PARD3: variants seen among roughly 807,000 people sequenced by gnomAD.
PARD3 encodes the protein partitioning defective 3 homolog.
PARD3 carries 75 observed loss-of-function variants against 155.4 expected under a neutral mutation model. That is an observed-to-expected ratio of 0.48 (90% CI 0.40 to 0.58). PARD3 has a LOEUF of 0.58. Among genes scored for constraint, PARD3 ranks in the 20% least tolerant of loss-of-function variants. The probability of loss-of-function intolerance (pLI) is 0.00; values close to 1 mark genes in which losing one functional copy is unlikely to be tolerated. For synonymous variants in PARD3, 576 were observed against 610.5 expected (o/e 0.94, Z 0.83); for missense variants, 1,642 against 1,721.7 (o/e 0.95, Z 0.82).
intron 22 of PARD3, among the ~76,000 whole-genome samples, chr10:34,228,390 G>A (rs1441286032): frequency 6.6e-6 from 1 of 151,788 alleles, no homozygotes; most frequent in Non-Finnish European, 1.5e-5. Flanking sequence ...GTGTACCCCC[G>A]AACCAAAACA....
Position 34,313,237 on chromosome 10 carries a change from A to G in PARD3, c.3065+3870T>C, listed in dbSNP as rs1189718463. ...CTTTGTGCTCCCCGCTTTGCTCTGC[A>G]ATCTGCACACAGAATGATTACATTT... On this transcript the variant is annotated intron_variant, in intron 20 of 24. Coordinates refer to ENST00000374788, the MANE Select transcript of PARD3 (RefSeq NM_001184785.2). Among the ~76,000 whole-genome samples the G allele has an allele frequency of 2.0e-5, 3 of 152,338 alleles. No homozygotes were observed. In the East Asian group the frequency reaches 5.8e-4, roughly 29 times the overall value.
chr10:34,810,770 T>C (rs1245435145), intron 1 of PARD3, among the ~76,000 whole-genome samples: 2 of 152,202 alleles, frequency 1.3e-5, no homozygotes. Context: ...GAGCAGCTAG[T>C]ATGGGCCGGG....
At chr10:34,453,262 A>G (rs945065191) in intron 4 of PARD3, among the ~76,000 whole-genome samples, 2 of 152,140 alleles carry the variant, frequency 1.3e-5, no homozygotes, top group Non-Finnish European at 2.9e-5. Flanking sequence ...TTCAAACGCT[A>G]TTTTCTAAGA....
chr10:34,432,837 A>G (rs564183565), intron 5 of PARD3, among the ~76,000 whole-genome samples: 76 of 152,338 alleles, frequency 5.0e-4, no homozygotes, highest in Non-Finnish European at 8.4e-4. Flanking sequence ...AAAGTTCACC[A>G]AGGAAGAGCA....
At chr10:34,362,160 G>T (rs184612669) in intron 12 of PARD3, among the ~76,000 whole-genome samples, 1 of 152,016 alleles carries the variant, frequency 6.6e-6, no homozygotes, top group African/African-American at 2.4e-5. Flanking sequence ...TTAGCCAGGC[G>T]TGGTGGCGGG....
chr10:34,512,441 G>T (rs925655296), intron 3 of PARD3, among the ~76,000 whole-genome samples: 1 of 152,098 alleles, frequency 6.6e-6, no homozygotes, highest in African/African-American at 2.4e-5. Flanking sequence ...TAGGCCCTCT[G>T]GCCCACCCTA....
intron 22 of PARD3, among the ~76,000 whole-genome samples, chr10:34,251,307 T>C (rs779901913): frequency 7.2e-5 from 11 of 152,196 alleles, no homozygotes; most frequent in Non-Finnish European, 1.5e-4. Context: ...CCTTTTAGCT[T>C]TGAAATGCCC....
At chr10:34,333,693 A>G (rs1589214909) in intron 18 of PARD3, among the ~76,000 whole-genome samples, 2 of 152,226 alleles carry the variant, frequency 1.3e-5, no homozygotes, top group East Asian at 3.9e-4. Flanking sequence ...ATGCCCATGT[A>G]TTTACATATT....
chr10:34,628,555 T>C (rs1357765669), intron 2 of PARD3, among the ~76,000 whole-genome samples: 2 of 152,192 alleles, frequency 1.3e-5, no homozygotes, highest in Admixed American at 1.3e-4. Flanking sequence ...CGAGTGGGTG[T>C]GGCTGTGCTC....
chr10:34,743,672 A>T (rs1395167539), intron 1 of PARD3, among the ~76,000 whole-genome samples: 1 of 152,218 alleles, frequency 6.6e-6, no homozygotes, highest in Non-Finnish European at 1.5e-5. Flanking sequence ...TAGATTGTAC[A>T]TACAGCACTG....
chr10:34,697,135 C>T (rs2094190052), intron 1 of PARD3, among the ~76,000 whole-genome samples: 1 of 152,022 alleles, frequency 6.6e-6, no homozygotes, highest in African/African-American at 2.4e-5. Context: ...AAATTTTATA[C>T]ACTTCTATAT....
intron 4 of PARD3, among the ~76,000 whole-genome samples, chr10:34,463,845 A>G (rs1020107380): frequency 2.6e-5 from 4 of 152,176 alleles, no homozygotes; most frequent in Admixed American, 2.6e-4. Context: ...ATATGAATGC[A>G]TTGTGTCCCA....
chr10:34,742,086 C>T (rs1370886604), intron 1 of PARD3, among the ~76,000 whole-genome samples: 1 of 152,206 alleles, frequency 6.6e-6, no homozygotes, highest in African/African-American at 2.4e-5. Context: ...ATCTCCCCAG[C>T]ACAACCTTGG....
At chr10:34,660,545 A>G (rs1006884724) in intron 2 of PARD3, among the ~76,000 whole-genome samples, 21 of 152,108 alleles carry the variant, frequency 1.4e-4, no homozygotes, top group Admixed American at 1.4e-3. Flanking sequence ...ATGGCCATGT[A>G]CACAGCAGCC....
intron 2 of PARD3, among the ~76,000 whole-genome samples, chr10:34,694,881 C>T (rs563710987): frequency 1.3e-5 from 2 of 152,206 alleles, no homozygotes; most frequent in South Asian, 2.1e-4. Context: ...TGCTAACTGT[C>T]AGGAATATAG....
intron 19 of PARD3, among the ~76,000 whole-genome samples, chr10:34,326,843 T>C (rs938788731): frequency 5.9e-5 from 9 of 152,230 alleles, no homozygotes; most frequent in African/African-American, 2.2e-4. Flanking sequence ...AGCTACCTAC[T>C]TCATGTTTGA....
intron 2 of PARD3, among the ~76,000 whole-genome samples, chr10:34,620,658 C>T (rs1051503136): frequency 2.0e-5 from 3 of 152,170 alleles, no homozygotes; most frequent in Middle Eastern, 3.2e-3. Flanking sequence ...GCTTAAACCT[C>T]TCACAGATAA....
Position 34,331,359 on chromosome 10 carries a change from A to G in PARD3, c.2606-15T>C, listed in dbSNP as rs772574765. On this transcript the variant is annotated splice_polypyrimidine_tract_variant and intron_variant, in intron 18 of 24. Coordinates refer to ENST00000374788, the MANE Select transcript of PARD3 (RefSeq NM_001184785.2). ...GCTGGGAGAACCTGGGAGGTTTACA[A>G]GAAAAAAAATGTTAGTGTGAATTAG... The G allele has an allele frequency of 1.0e-5, 16 of 1,581,248 alleles. No individual in the cohort carries two copies. Among genetic ancestry groups the G allele is most frequent in the Middle Eastern group, 1.7e-4 (1 of 6,004 alleles).
chr10:34,305,694 C>T (rs959329462), intron 20 of PARD3, among the ~76,000 whole-genome samples: 1 of 152,220 alleles, frequency 6.6e-6, no homozygotes, highest in Non-Finnish European at 1.5e-5. Context: ...ATACTTAAAT[C>T]ATGGCTGGGC....
Sources: gnomAD v4.1 joint callset for allele counts (sites outside exome capture counted in the v4.1 genomes callset) on GRCh38, gnomAD v4.1.1 for gene constraint, MANE v1.5 for transcripts, NCBI Gene and HGNC (gene_info 2026-07-23, HGNC 2026-07-21) for gene names.